The following PPP1R1C variants were observed in gnomAD, a reference collection of about 807,000 sequenced individuals.
PPP1R1C encodes the protein protein phosphatase 1 regulatory subunit 1C.
Under a neutral mutation model 17.4 loss-of-function variants are expected in PPP1R1C, and 15 were observed. That is an observed-to-expected ratio of 0.86 (90% confidence interval 0.58 to 1.33). The LOEUF (loss-of-function observed/expected upper bound fraction) is 1.33, where lower values mean the gene tolerates loss of function less well. Among genes scored for constraint, PPP1R1C ranks in the 40% most tolerant of loss-of-function variants. The pLI is 0.00. For missense variants in PPP1R1C, 143 were observed against 130.0 expected (o/e 1.10, Z -0.48); for synonymous variants, 35 against 43.1 (o/e 0.81, Z 0.73).
At chr2:182,105,553 C>T (rs1229140850) in intron 4 of PPP1R1C, among the ~76,000 whole-genome samples, 2 of 152,008 alleles carry the variant, frequency 1.3e-5, no homozygotes, top group Non-Finnish European at 2.9e-5. Context: ...AATGGGTCAT[C>T]TTGGTGGAGA....
At chr2:182,124,363 G>A (rs1210914036) in intron 5 of PPP1R1C, among the ~76,000 whole-genome samples, 2 of 55,528 alleles carry the variant, frequency 3.6e-5, no homozygotes, top group African/African-American at 1.3e-4. Flanking sequence ...GCTTAGGATT[G>A]TCTTGGCTAT....
At chr2:182,049,203 G>T (rs1687434434) in intron 2 of PPP1R1C, among the ~76,000 whole-genome samples, 1 of 151,930 alleles carries the variant, frequency 6.6e-6, no homozygotes, top group South Asian at 2.1e-4. Context: ...GGTGGCGGGT[G>T]CCTGTAGTCC....
At chr2:182,120,146 C>T (rs147058409), downstream of PPP1R1C, among the ~76,000 whole-genome samples, 2,279 of 152,258 alleles carry the variant, frequency 0.015, 33 homozygotes, top group South Asian at 0.058. Context: ...TTTCCCAGCA[C>T]CATTTATTAA....
intron 5 of PPP1R1C, among the ~76,000 whole-genome samples, chr2:182,124,902 T>C (rs1214588766): frequency 6.6e-6 from 1 of 152,176 alleles, no homozygotes; most frequent in East Asian, 1.9e-4. Flanking sequence ...TCTTGCCTGA[T>C]TGCCCTGGCC....
rs1446857226 is a variant in PPP1R1C, at chr2:182,061,482, A to T, written c.180+3A>T. ...GGGGGCCCAACACACAAGGGGAAGT[A>T]AGTTTTTAAAAATATTTTGTATAAA... On this transcript the variant is annotated splice_donor_region_variant and intron_variant, in intron 3 of 4. Transcript: ENST00000682840. 1 of 1,464,058 alleles carries T rather than the reference A, an allele frequency of 6.8e-7. No individual in the cohort carries two copies. The highest frequency in any genetic ancestry group is 3.0e-5 in the Admixed American group (1 of 33,144). The allele number at this position is 1,464,058 out of a possible 1,614,324, so 90.7% of individuals were successfully genotyped here. A position where few individuals can be genotyped will look rare whatever the true frequency, so the allele number is the denominator to read the frequency against.
chr2:181,972,967 A>G (rs961150736), intron 1 of PPP1R1C, among the ~76,000 whole-genome samples: 7 of 152,222 alleles, frequency 4.6e-5, no homozygotes, highest in Non-Finnish European at 8.8e-5. Context: ...TTATGCATAT[A>G]TTACACAAGC....
At chr2:182,039,303 G>A (rs917307437) in intron 2 of PPP1R1C, among the ~76,000 whole-genome samples, 40 of 152,062 alleles carry the variant, frequency 2.6e-4, no homozygotes, top group African/African-American at 9.2e-4. Flanking sequence ...TCTGCAAATG[G>A]TACTGCTCAA....
downstream of PPP1R1C, among the ~76,000 whole-genome samples, chr2:182,121,476 CTTTTTA>C (rs1316845220): frequency 1.3e-5 from 2 of 151,836 alleles, no homozygotes; most frequent in East Asian, 1.9e-4. Flanking sequence ...ACTTATTTTA[CTTTTTA>C]TTTTTATTTA....
rs137993901 is a variant in PPP1R1C at position 182,000,580 on chromosome 2, C to T, written c.142+12681C>T. Among the ~76,000 whole-genome samples the T allele has an allele frequency of 3.9e-5, 6 of 152,220 alleles. No homozygotes were observed. In the East Asian group the frequency reaches 1.2e-3, roughly 29 times the overall value. On this transcript the variant is annotated intron_variant, in intron 2 of 4. Transcript: ENST00000682840. ...GCTCCTGAAAAACAACTTTTAGCAACAGTTACCATAGAGACATACACATTA... is the reference window on the plus strand; with the variant it reads ...GCTCCTGAAAAACAACTTTTAGCAATAGTTACCATAGAGACATACACATTA...
At chr2:182,102,654 T>A (rs1174370960) in intron 4 of PPP1R1C, among the ~76,000 whole-genome samples, 2 of 152,140 alleles carry the variant, frequency 1.3e-5, no homozygotes, top group Non-Finnish European at 2.9e-5. Context: ...CAAATGAAAT[T>A]CAATATGGGA....
chr2:182,030,567 C>G (rs528397888), intron 2 of PPP1R1C, among the ~76,000 whole-genome samples: 1,860 of 148,598 alleles, frequency 0.013, 17 homozygotes, highest in South Asian at 0.038. Flanking sequence ...GCAGTCTGCC[C>G]GTTCTCAGAT....
At chr2:182,110,625 A>G (rs1428403333) in intron 4 of PPP1R1C, among the ~76,000 whole-genome samples, 2 of 152,198 alleles carry the variant, frequency 1.3e-5, no homozygotes, top group Non-Finnish European at 2.9e-5. Context: ...TTCTCTGGAC[A>G]TGGTAAAAGA....
In PPP1R1C at chr2:182,052,769, G is replaced by A. The variant is rs1055704371; in HGVS notation, c.143-8673G>A. On this transcript the variant is annotated intron_variant, in intron 2 of 4. Coordinates refer to ENST00000682840, the MANE Select transcript of PPP1R1C (RefSeq NM_001080545.3). ...TTAACCTTTTGTTGTAAAATTAATC[G>A]AAATCACAAAACATACAATTTTTAT... Among the ~76,000 whole-genome samples the A allele has an allele frequency of 6.6e-5, 10 of 152,174 alleles. No homozygotes were observed. The East Asian group carries it at 7.7e-4, about 12-fold the overall frequency.
chr2:182,000,689 C>G (rs1483016901), intron 2 of PPP1R1C, among the ~76,000 whole-genome samples: 2 of 152,048 alleles, frequency 1.3e-5, no homozygotes, highest in African/African-American at 4.8e-5. Flanking sequence ...GGTTTTAAGA[C>G]CAACTAGAAG....
At chr2:182,105,423 G>C (rs564856415) in intron 4 of PPP1R1C, among the ~76,000 whole-genome samples, 1 of 152,170 alleles carries the variant, frequency 6.6e-6, no homozygotes, top group Non-Finnish European at 1.5e-5. Context: ...CAGGCATTCT[G>C]TAATTACAGA....
At chr2:182,019,719 G>A (rs2125161911) in intron 2 of PPP1R1C, among the ~76,000 whole-genome samples, 1 of 152,278 alleles carries the variant, frequency 6.6e-6, no homozygotes, top group African/African-American at 2.4e-5. Context: ...TGAACTCAGA[G>A]ATCTGATCAC....
chr2:181,988,041 C>G (rs1464368739), intron 2 of PPP1R1C, 142 bp downstream of exon 2: 4 of 627,654 alleles, frequency 6.4e-6, no homozygotes, highest in Non-Finnish European at 8.2e-6. Context: ...TAAAATGGAT[C>G]GTAAACAGAA....
chr2:182,033,797 T>C (rs1200478272), intron 2 of PPP1R1C, among the ~76,000 whole-genome samples: 1 of 152,318 alleles, frequency 6.6e-6, no homozygotes, highest in South Asian at 2.1e-4. Context: ...ATTTGTGTGA[T>C]ATTAAAGGCC....
intron 4 of PPP1R1C, among the ~76,000 whole-genome samples, chr2:182,079,174 A>G (rs968718971): frequency 2.6e-5 from 4 of 152,210 alleles, no homozygotes; most frequent in African/African-American, 9.6e-5. Flanking sequence ...GATTTAGATA[A>G]TGAGTTGTAG....
Sources: gnomAD v4.1 joint callset for allele counts (sites outside exome capture counted in the v4.1 genomes callset) on GRCh38, gnomAD v4.1.1 for gene constraint, MANE v1.5 for transcripts, NCBI Gene and HGNC (gene_info 2026-07-23, HGNC 2026-07-21) for gene names.